RPH3A: variants seen among roughly 807,000 people sequenced by gnomAD.
RPH3A encodes the protein rabphilin-3A.
Under a neutral mutation model 102.2 loss-of-function variants are expected in RPH3A, and 48 were observed. That is an observed-to-expected ratio of 0.47 (90% CI 0.37 to 0.60). The LOEUF (loss-of-function observed/expected upper bound fraction) is 0.60, where lower values mean the gene tolerates loss of function less well. Among genes scored for constraint, RPH3A ranks in the 20% least tolerant of loss-of-function variants. The pLI is 0.00. For missense variants in RPH3A, 781 were observed against 910.1 expected (o/e 0.86, Z 1.83); for synonymous variants, 310 against 324.3 (o/e 0.96, Z 0.47).
At chr12:112,780,534 AAGGAGTATTTCTTCC>A (rs2041000780) in intron 1 of RPH3A, among the ~76,000 whole-genome samples, 1 of 152,194 alleles carries the variant, frequency 6.6e-6, no homozygotes, top group Non-Finnish European at 1.5e-5. Context: ...GCAAACTAGA[AAGGAGTATTTCTTCC>A]AGATAACATT....
At chr12:112,842,714 A>G (rs1386621683) in intron 4 of RPH3A, among the ~76,000 whole-genome samples, 1 of 152,228 alleles carries the variant, frequency 6.6e-6, no homozygotes, top group African/African-American at 2.4e-5. Context: ...GTTTGCTTGC[A>G]AAGTTCCTGG....
chr12:112,788,434 G>T (rs979964666), upstream of RPH3A, among the ~76,000 whole-genome samples: 1 of 152,266 alleles, frequency 6.6e-6, no homozygotes, highest in Middle Eastern at 3.4e-3. Flanking sequence ...AAACTGACAG[G>T]GTCATGAAAA....
intron 17 of RPH3A, 118 bp downstream of exon 17, chr12:112,888,041 A>T (rs2043034151): frequency 1.7e-6 from 2 of 1,166,290 alleles, no homozygotes; most frequent in African/African-American, 1.5e-5. Flanking sequence ...GAGGCACTGC[A>T]GCAGGTCTGC....
At chr12:112,705,881 A>T (rs965186220) in intron 1 of RPH3A, among the ~76,000 whole-genome samples, 2 of 152,038 alleles carry the variant, frequency 1.3e-5, no homozygotes, top group East Asian at 3.9e-4. Flanking sequence ...TTCATCCACC[A>T]CTCCATTCAT....
intron 1 of RPH3A, among the ~76,000 whole-genome samples, chr12:112,618,344 G>A (rs867976370): frequency 5.9e-5 from 9 of 152,262 alleles, no homozygotes; most frequent in African/African-American, 1.9e-4. Flanking sequence ...ATTCTGCAGA[G>A]CAATTCCACA....
intron 2 of RPH3A, among the ~76,000 whole-genome samples, chr12:112,816,369 T>C (rs542483110): frequency 4.6e-5 from 7 of 152,344 alleles, no homozygotes; most frequent in African/African-American, 1.7e-4. Context: ...TAGGTTGTGC[T>C]GTGCTGACCA....
At chr12:112,605,047 G>A (rs904029064) in intron 1 of RPH3A, among the ~76,000 whole-genome samples, 1 of 152,162 alleles carries the variant, frequency 6.6e-6, no homozygotes, top group African/African-American at 2.4e-5. Context: ...CTCTTGAAGT[G>A]GGGAGTATCA....
At chr12:112,790,126 G>A (rs796825146), upstream of RPH3A, among the ~76,000 whole-genome samples, 70 of 151,796 alleles carry the variant, frequency 4.6e-4, no homozygotes, top group South Asian at 1.9e-3. Flanking sequence ...GTGCAACCTC[G>A]GCTCACTGCA....
At chr12:112,797,726 G>A (rs1456581329) in intron 2 of RPH3A, among the ~76,000 whole-genome samples, 2 of 151,086 alleles carry the variant, frequency 1.3e-5, no homozygotes, top group Admixed American at 6.6e-5. Context: ...ATCTTGCTCT[G>A]TCACCCAGGC....
chr12:112,575,526 C>T (rs984541909), intron 1 of RPH3A, among the ~76,000 whole-genome samples: 1 of 152,082 alleles, frequency 6.6e-6, no homozygotes, highest in African/African-American at 2.4e-5. Flanking sequence ...GCGCAGGACC[C>T]GTGCTATCCT....
At chr12:112,855,463 G>A (rs780314695) in intron 5 of RPH3A, among the ~76,000 whole-genome samples, 52 of 152,210 alleles carry the variant, frequency 3.4e-4, no homozygotes, top group African/African-American at 1.1e-3. Flanking sequence ...TGGCTCCCTC[G>A]TCTCCGACTC....
intron 1 of RPH3A, among the ~76,000 whole-genome samples, chr12:112,688,448 G>C (rs374351970): frequency 5.9e-5 from 9 of 152,220 alleles, no homozygotes; most frequent in African/African-American, 2.2e-4. Context: ...GAACCTCAAG[G>C]ATTGTGACTT....
intron 1 of RPH3A, among the ~76,000 whole-genome samples, chr12:112,777,382 A>G (rs1257675413): frequency 2.0e-5 from 3 of 152,156 alleles, no homozygotes; most frequent in Non-Finnish European, 2.9e-5. Context: ...TGCATGCCTT[A>G]TTGTTTTTCC....
At chr12:112,746,107 TC>T (rs1029099375) in intron 1 of RPH3A, among the ~76,000 whole-genome samples, 1 of 152,156 alleles carries the variant, frequency 6.6e-6, no homozygotes, top group Non-Finnish European at 1.5e-5. Context: ...ACATCTTTTT[TC>T]TTTCCTCCTT....
intron 1 of RPH3A, among the ~76,000 whole-genome samples, chr12:112,727,484 C>G (rs1390606399): frequency 7.4e-4 from 83 of 111,448 alleles, no homozygotes; most frequent in African/African-American, 1.7e-3. Flanking sequence ...CACACACACA[C>G]ACACACAGAC....
intron 1 of RPH3A, among the ~76,000 whole-genome samples, chr12:112,727,555 AC>A (rs1262022408): frequency 5.0e-5 from 7 of 141,376 alleles, no homozygotes; most frequent in Non-Finnish European, 1.5e-5. Context: ...CTACCATGAG[AC>A]TTTTGCTGAA....
chr12:112,693,147 A>G (rs1291347861), intron 1 of RPH3A, among the ~76,000 whole-genome samples: 1 of 152,212 alleles, frequency 6.6e-6, no homozygotes, highest in Admixed American at 6.5e-5. Context: ...TTGACACCAT[A>G]CTGTCCAGGG....
At chr12:112,619,246 CTGTGTGTGTGTGTGTGTG>C (rs60894997) in intron 1 of RPH3A, among the ~76,000 whole-genome samples, 19 of 125,448 alleles carry the variant, frequency 1.5e-4, no homozygotes, top group Admixed American at 6.4e-4. Context: ...TATGGTAATT[CTGTGTGTGTGTGTGTGTG>C]TGTGTGTGTG....
intron 3 of RPH3A, among the ~76,000 whole-genome samples, chr12:112,830,192 A>T (rs568087879): frequency 6.6e-6 from 1 of 152,292 alleles, no homozygotes; most frequent in South Asian, 2.1e-4. Context: ...AAAGTACCAC[A>T]TTCAAATGAT....
Sources: allele counts gnomAD v4.1 joint callset (sites outside exome capture counted in the v4.1 genomes callset), GRCh38; gene constraint gnomAD v4.1.1; transcripts MANE v1.5; gene names NCBI Gene and HGNC (gene_info 2026-07-23, HGNC 2026-07-21).